Variants in SPIRE2 observed in about 807,000 individuals in gnomAD.
The protein encoded by SPIRE2 is protein spire homolog 2.
Under a neutral mutation model 80.7 loss-of-function variants are expected in SPIRE2, and 76 were observed. That is an observed-to-expected ratio of 0.94 (90% CI 0.78 to 1.14). SPIRE2 has a LOEUF of 1.14. SPIRE2 is among the 50% of genes most tolerant of loss of function. The probability of loss-of-function intolerance (pLI) is 0.00; values close to 1 mark genes in which losing one functional copy is unlikely to be tolerated. For synonymous variants in SPIRE2, 535 were observed against 432.6 expected (o/e 1.24, Z -2.94); for missense variants, 1,196 against 1,015.3 (o/e 1.18, Z -2.42).
chr16:89,835,476 G>A (rs957934740), intron 1 of SPIRE2, among the ~76,000 whole-genome samples: 3 of 152,210 alleles, frequency 2.0e-5, no homozygotes, highest in Non-Finnish European at 4.4e-5. Flanking sequence ...AATCTGCTAT[G>A]TCTTCCTAAT....
Position 89,859,286 on chromosome 16 carries a change from G to A in SPIRE2, c.1394G>A (p.Gly465Glu), listed in dbSNP as rs1400448379. 1 of 1,603,762 alleles carries A rather than the reference G, an allele frequency of 6.2e-7. No individual in the cohort carries two copies. The highest frequency in any genetic ancestry group is 1.1e-5 in the South Asian group (1 of 90,720). The change falls in exon 9 of 15, where the codon GGA (glycine) becomes GAA (glutamate). Residue 465 changes from glycine to glutamate, a missense_variant. By Grantham distance (98) the Gly-to-Glu change is moderately conservative. Transcript: ENST00000378247. ...CTGCAGTCGGCCACCCACCCCCCAG[G>A]AGGGACGGAGCCACCACGGCCCCGA... The part of the protein sequence containing the change: ...SGLQSATHPP[G>E]GTEPPRPRAG...
At chr16:89,836,098 C>A in intron 1 of SPIRE2, 1 of 421,680 alleles carries the variant, frequency 2.4e-6, no homozygotes, top group Non-Finnish European at 4.8e-6. Context: ...TCGCTTGAAT[C>A]TGGGAGGCGG....
chr16:89,850,913 T>G (rs897942496), intron 3 of SPIRE2, among the ~76,000 whole-genome samples: 1 of 152,070 alleles, frequency 6.6e-6, no homozygotes, highest in Non-Finnish European at 1.5e-5. Flanking sequence ...CTCGGCTCAC[T>G]GCAACCTCCG....
Position 89,828,697 on chromosome 16 carries a change from C to G in SPIRE2, c.147C>G (p.Arg49=). 7.7e-7 allele frequency: 1 copy of G among 1,291,648 alleles called. No homozygotes were observed. The highest frequency in any genetic ancestry group is 9.8e-7 in the Non-Finnish European group (1 of 1,015,956). 80.0% of individuals were successfully genotyped at this position (1,291,648 alleles called of 1,614,324 possible). A position where few individuals can be genotyped will look rare whatever the true frequency, so the allele number is the denominator to read the frequency against. Residue 49 remains arginine (R), a synonymous_variant, in exon 1 of 15, where the codon CGC becomes CGG. Transcript: ENST00000378247. The surrounding 1 kb of genome is among the most constrained non-coding windows in gnomAD (Gnocchi z 5.9). ...QAWAVCFQGC[R]GLRGSPGRRL... ...GGGCCGTGTGCTTCCAGGGCTGCCG[C>G]GGGCTGCGGGGCTCGCCGGGCCGGC...
intron 1 of SPIRE2, chr16:89,836,298 T>C: frequency 2.2e-6 from 1 of 455,716 alleles, no homozygotes; most frequent in Non-Finnish European, 4.4e-6. Flanking sequence ...CTCCTCTCGG[T>C]ACATGCTCAC....
rs1022519295 is a variant in SPIRE2 at position 89,863,970 on chromosome 16, T to G, written c.1778+109T>G. The G allele has an allele frequency of 6.5e-6, 5 of 766,400 alleles. No homozygotes were observed. The highest frequency in any genetic ancestry group is 1.1e-5 in the Non-Finnish European group (5 of 455,270). 47.5% of individuals were successfully genotyped at this position (766,400 alleles called of 1,614,324 possible). On this transcript the variant is annotated intron_variant, in intron 12 of 14. Coordinates refer to ENST00000378247, the MANE Select transcript of SPIRE2 (RefSeq NM_032451.2). The surrounding 1 kb of genome is among the most constrained non-coding windows in gnomAD (Gnocchi z 4.3). ...TGATTCCAGGAATGTTCTAGCATGT[T>G]CGATGGCTGATGAGTCCACAAGATA...
chr16:89,858,219 TCA>T (rs1483599273), intron 7 of SPIRE2, 117 bp from the exon 8 acceptor site: 2 of 1,084,880 alleles, frequency 1.8e-6, no homozygotes, highest in Admixed American at 5.2e-5. Context: ...TGGCTAGCCC[TCA>T]GTTTCCCCTT....
chr16:89,842,607 C>T (rs943135795), intron 1 of SPIRE2, among the ~76,000 whole-genome samples: 13 of 152,220 alleles, frequency 8.5e-5, no homozygotes, highest in African/African-American at 2.9e-4. Context: ...CAGAAGCTTC[C>T]CATGCACTGA....
At chr16:89,869,837 G>A (rs2041823753) in intron 14 of SPIRE2, among the ~76,000 whole-genome samples, 155 bp downstream of exon 14, 1 of 152,018 alleles carries the variant, frequency 6.6e-6, no homozygotes, top group Non-Finnish European at 1.5e-5. Flanking sequence ...GTAGGGCTCT[G>A]GGAGGCTGAG....
At chr16:89,838,260 G>A (rs2041470164) in intron 1 of SPIRE2, among the ~76,000 whole-genome samples, 1 of 146,116 alleles carries the variant, frequency 6.8e-6, no homozygotes, top group East Asian at 2.0e-4. Context: ...TCAGCTCACT[G>A]CAAACTCCAC....
intron 2 of SPIRE2, among the ~76,000 whole-genome samples, chr16:89,847,750 G>A (rs1188648004): frequency 2.0e-5 from 3 of 152,230 alleles, no homozygotes; most frequent in Non-Finnish European, 4.4e-5. Context: ...GAGGCCCTGA[G>A]ACTGGCTGCC....
At chr16:89,830,228 TG>T (rs1033253747) in intron 1 of SPIRE2, among the ~76,000 whole-genome samples, 1 of 151,254 alleles carries the variant, frequency 6.6e-6, no homozygotes, top group Non-Finnish European at 1.5e-5. Context: ...CTGGGTGGTG[TG>T]GCCCCTTCCT....
In SPIRE2 at chr16:89,863,810, G is replaced by T. The variant is rs764492058; in HGVS notation, c.1727G>T (p.Arg576Leu). Residue 576 changes from arginine (R) to leucine (L), a missense_variant, in exon 12 of 15, where the codon CGG (arginine) becomes CTG (leucine). By Grantham distance (102) the Arg-to-Leu change is moderately radical. Transcript: ENST00000378247. The surrounding 1 kb of genome is among the most constrained non-coding windows in gnomAD (Gnocchi z 4.3). ...TCCTGACAGATTTGCTGCTGCTGCC[G>T]GGCCAAGTTCCCGCTGTTCTCGTGG... ...LKKGKICCCC[R>L]AKFPLFSWPP... The T allele has an allele frequency of 6.2e-7, 1 of 1,613,902 alleles. No individual in the cohort carries two copies. Among genetic ancestry groups the T allele is most frequent in the South Asian group, 1.1e-5 (1 of 91,072 alleles).
chr16:89,863,504 C>T lies in SPIRE2; in HGVS notation c.1604C>T (p.Ala535Val), dbSNP rs751783282. ...LEFSHPVESL[A>V]LTVEEVMDVR... ...TTCAGCCACCCCGTGGAGAGCCTGG[C>T]GCTGACTGTGGAAGAGGTGATGGAC... Residue 535 changes from alanine to valine, a missense_variant, in exon 11 of 15, where the codon GCG (alanine) becomes GTG (valine). Coordinates refer to ENST00000378247, the MANE Select transcript of SPIRE2 (RefSeq NM_032451.2). The surrounding 1 kb of genome is among the most constrained non-coding windows in gnomAD (Gnocchi z 4.3). The T allele has an allele frequency of 1.4e-5, 23 of 1,614,034 alleles. No homozygotes were observed. The highest frequency in any genetic ancestry group is 1.7e-4 in the Middle Eastern group (1 of 6,060).
rs889984122 is a variant in SPIRE2, at chr16:89,856,117, C to G, written c.983C>G (p.Ser328Cys). 2.5e-5 allele frequency: 41 copies of G among 1,611,694 alleles called. No homozygotes were observed. The highest frequency in any genetic ancestry group is 3.4e-5 in the Non-Finnish European group (40 of 1,179,674). Residue 328 changes from serine (S) to cysteine (C), a missense_variant, in exon 7 of 15, where the codon TCT becomes TGT. By Grantham distance (112) the Ser-to-Cys change is moderately radical (BLOSUM62 -1). Coordinates refer to ENST00000378247, the MANE Select transcript of SPIRE2 (RefSeq NM_032451.2). ...GGTCTCGCTTCCCCACCGCAGGTCT[C>G]TGAGAGGCGGCTGCGCCCGTTGCCA... ...IRSRPPLKQV[S>C]ERRLRPLPPK...
intron 1 of SPIRE2, among the ~76,000 whole-genome samples, chr16:89,835,251 C>A (rs377305731): frequency 6.9e-6 from 1 of 144,076 alleles, no homozygotes; most frequent in Non-Finnish European, 1.5e-5. Context: ...AAGCATAGCC[C>A]GTGTGATTTT....
At position 89,828,877 on chromosome 16, in the gene SPIRE2, A is replaced by T; in HGVS notation, c.244+83A>T. The T allele has an allele frequency of 9.3e-7, 1 of 1,079,428 alleles. No homozygotes were observed. Among genetic ancestry groups the T allele is most frequent in the South Asian group, 4.6e-5 (1 of 21,810 alleles). 66.9% of individuals were successfully genotyped at this position (1,079,428 alleles called of 1,614,324 possible). ...CCCTGGGTGGGGGTGGTCCCGGCGGAGAGGCTGCGACCGGTTCTGGAGCGG... is the reference window on the plus strand; with the variant it reads ...CCCTGGGTGGGGGTGGTCCCGGCGGTGAGGCTGCGACCGGTTCTGGAGCGG... On this transcript the variant is annotated intron_variant, in intron 1 of 14. Transcript: ENST00000378247. This position sits in a 1 kb window ranked among gnomAD's most constrained non-coding sequence, Gnocchi z 5.9.
At chr16:89,844,651 G>T (rs577041735) in intron 1 of SPIRE2, among the ~76,000 whole-genome samples, 111 of 152,174 alleles carry the variant, frequency 7.3e-4, no homozygotes, top group East Asian at 3.5e-3. Context: ...TGTTAGCCAG[G>T]ATGGCCCCGA....
Position 89,845,369 on chromosome 16 carries a change from C to CT in SPIRE2, c.288+9dup, listed in dbSNP as rs759370472. 19 of 1,613,318 alleles carry CT rather than the reference C, an allele frequency of 1.2e-5. No individual in the cohort carries two copies. The East Asian group carries it at 4.0e-4, about 34-fold the overall frequency. ...ACTAGCCAGCTCGGAAGCCCAGGTA[C>CT]TTTTTAAAAAATTCCAAGTATTACT... On this transcript the variant is annotated splice_donor_region_variant and intron_variant, in intron 2 of 14. Coordinates refer to ENST00000378247, the MANE Select transcript of SPIRE2 (RefSeq NM_032451.2).
Sources: gnomAD v4.1 joint callset for allele counts (sites outside exome capture counted in the v4.1 genomes callset) on GRCh38, gnomAD v4.1.1 for gene constraint, Gnocchi (gnomAD v3.1) non-coding constraint, MANE v1.5 for transcripts, NCBI Gene and HGNC (gene_info 2026-07-23, HGNC 2026-07-21) for gene names.